Variants in ENPP3 observed in about 807,000 individuals in gnomAD.
The protein encoded by ENPP3 is ectonucleotide pyrophosphatase/phosphodiesterase 3.
Under a neutral mutation model 117.8 loss-of-function variants are expected in ENPP3, and 104 were observed. The ratio of observed to expected loss-of-function variants is 0.88; its 90% confidence interval spans 0.75 to 1.04. ENPP3 has a LOEUF of 1.04. Ranked by LOEUF, ENPP3 falls within the 50% of genes least tolerant of loss-of-function variation. The pLI is 0.00. For missense variants in ENPP3, 1,026 were observed against 1,051.9 expected, an observed-to-expected ratio of 0.98 and a Z score of 0.34; for synonymous variants, 380 against 349.9, an observed-to-expected ratio of 1.09 and a Z score of -0.96.
Position 131,649,970 on chromosome 6 carries a change from G to T in ENPP3, c.155-57G>T. The T allele has an allele frequency of 1.9e-6, 3 of 1,600,672 alleles. No individual in the cohort carries two copies. In the South Asian group the frequency reaches 3.3e-5, roughly 18 times the overall value. ...ACTTCCTGTGTGCTTCCACTGCTTA[G>T]GTATGAGATATTGAATAGCTCCTAA... On this transcript the variant is annotated intron_variant, in intron 2 of 24. Transcript: ENST00000357639.
At chr6:131,722,123 TTAAAGGGAGTGAAAG>T in intron 17 of ENPP3, 89 bp from the exon 18 acceptor site, 6 of 762,650 alleles carry the variant, frequency 7.9e-6, no homozygotes, top group Middle Eastern at 5.3e-4. Context: ...GCAGAATTTA[TTAAAGGGAGTGAAAG>T]AGTAGGTGTT....
At chr6:131,713,789 T>C (rs1163388412) in intron 15 of ENPP3, among the ~76,000 whole-genome samples, 2 of 152,174 alleles carry the variant, frequency 1.3e-5, no homozygotes, top group Non-Finnish European at 2.9e-5. Flanking sequence ...TAAAAAAATA[T>C]AGACTGTTGT....
At chr6:131,710,142 G>A (rs371055085) in intron 15 of ENPP3, 179 of 1,613,682 alleles carry the variant, frequency 1.1e-4, no homozygotes, top group Non-Finnish European at 1.4e-4. Context: ...TTAATTCCAG[G>A]TTATCATCAT....
At chr6:131,688,687 G>C (rs1779209231) in intron 14 of ENPP3, among the ~76,000 whole-genome samples, 1 of 152,082 alleles carries the variant, frequency 6.6e-6, no homozygotes, top group Non-Finnish European at 1.5e-5. Context: ...CTTTATGAAG[G>C]CTGAGATGGG....
intron 15 of ENPP3, among the ~76,000 whole-genome samples, chr6:131,695,686 C>A (rs779429301): frequency 6.6e-6 from 1 of 152,062 alleles, no homozygotes; most frequent in Non-Finnish European, 1.5e-5. Context: ...GAGGCTGAGG[C>A]GGGCAGATCA....
chr6:131,691,355 G>A (rs563635303), intron 14 of ENPP3, among the ~76,000 whole-genome samples: 6 of 152,186 alleles, frequency 3.9e-5, no homozygotes, highest in East Asian at 1.9e-4. Context: ...TTGGGAGGCC[G>A]AGGCGGGCGG....
intron 1 of ENPP3, among the ~76,000 whole-genome samples, chr6:131,638,281 T>C (rs1406001667): frequency 1.3e-5 from 2 of 152,204 alleles, no homozygotes; most frequent in East Asian, 1.9e-4. Flanking sequence ...TACCATGACA[T>C]TGACATTTTC....
At position 131,638,549 on chromosome 6, in the gene ENPP3, A is replaced by T. The variant is rs748314795; in HGVS notation, c.78+1087A>T. On this transcript the variant is annotated intron_variant, in intron 1 of 24. Transcript: ENST00000357639. ...CTCCTGAGTAGCTTGGACCACAGGC[A>T]CATGCCACAAGGCTCAGCTAAGTTT... 41 of 417,134 alleles carry T rather than the reference A, an allele frequency of 9.8e-5. 1 individual carries two copies. The highest frequency in any genetic ancestry group is 3.2e-5 in the Admixed American group (1 of 31,080). 25.8% of individuals were successfully genotyped at this position (417,134 alleles called of 1,614,324 possible).
At chr6:131,697,812 A>G (rs2114465519) in intron 15 of ENPP3, among the ~76,000 whole-genome samples, 1 of 152,188 alleles carries the variant, frequency 6.6e-6, no homozygotes, top group South Asian at 2.1e-4. Context: ...CTAACAGGCC[A>G]CAGACAGGTG....
In ENPP3 at chr6:131,693,596, T is replaced by G; in HGVS notation, c.1384T>G (p.Phe462Val). The change falls in exon 15 of 25, where the codon TTT becomes GTT. Residue 462 changes from phenylalanine to valine, a missense_variant. Phe to Val is a conservative substitution (Grantham distance 50, BLOSUM62 -1). Transcript: ENST00000357639. Reference protein sequence around the residue: ...KNVRIDKVHLFVDQQWLAVRS... With the variant: ...KNVRIDKVHLVVDQQWLAVRS... ...CGTCAGAATCGACAAAGTTCATCTC[T>G]TTGTGGATCAACAGTGGCTGGCTGT... 6.2e-7 allele frequency: 1 copy of G among 1,613,832 alleles called. No homozygotes were observed. The highest frequency in any genetic ancestry group is 8.5e-7 in the Non-Finnish European group (1 of 1,179,888).
chr6:131,656,549 C>T (rs538808072), intron 5 of ENPP3, among the ~76,000 whole-genome samples: 1 of 152,056 alleles, frequency 6.6e-6, no homozygotes, highest in South Asian at 2.1e-4. Flanking sequence ...AGGCAGATCA[C>T]GAAGTCAGGA....
chr6:131,725,982 T>C, intron 19 of ENPP3, 64 bp from the exon 20 acceptor site: 1 of 1,106,302 alleles, frequency 9.0e-7, no homozygotes, highest in Admixed American at 1.8e-5. Flanking sequence ...TGGGTAGTTA[T>C]TACATGCAAA....
At chr6:131,692,670 A>C (rs1585675869) in intron 14 of ENPP3, among the ~76,000 whole-genome samples, 1 of 147,112 alleles carries the variant, frequency 6.8e-6, no homozygotes, top group African/African-American at 2.5e-5. Flanking sequence ...TAATATATAT[A>C]TAATATATGG....
chr6:131,637,341 A>C lies in ENPP3; in HGVS notation c.-44A>C. 8.3e-7 allele frequency: 1 copy of C among 1,211,892 alleles called. No homozygotes were observed. The highest frequency in any genetic ancestry group is 1.2e-6 in the Non-Finnish European group (1 of 863,448). 75.1% of individuals were successfully genotyped at this position (1,211,892 alleles called of 1,614,324 possible). On this transcript the variant is annotated 5_prime_UTR_variant, in exon 1 of 25. Coordinates refer to ENST00000357639, the MANE Select transcript of ENPP3 (RefSeq NM_005021.5). ...TGCCAGACTAGACTAAAGAAGGAGCACTAATTTATTCTGATAAAACAGGTC... is the reference window on the plus strand; with the variant it reads ...TGCCAGACTAGACTAAAGAAGGAGCCCTAATTTATTCTGATAAAACAGGTC...
In ENPP3 at chr6:131,652,614, A is replaced by G; in HGVS notation, c.350A>G (p.Asp117Gly). 1 of 1,614,018 alleles carries G rather than the reference A, an allele frequency of 6.2e-7. No homozygotes were observed. The highest frequency in any genetic ancestry group is 8.5e-7 in the Non-Finnish European group (1 of 1,179,902). Residue 117 changes from aspartate to glycine, a missense_variant, in exon 4 of 25, where the codon GAT (aspartate) becomes GGT (glycine). Transcript: ENST00000357639. ...GAGGCCAGCCTTTGCTCTTGTTCAG[A>G]TGACTGTTTGCAGAGGAAAGATTGC... ...RLEASLCSCSDDCLQRKDCCA... is the reference protein window; with the variant it reads ...RLEASLCSCSGDCLQRKDCCA...
chr6:131,674,998 A>T, intron 8 of ENPP3, 82 bp from the exon 9 acceptor site: 1 of 780,920 alleles, frequency 1.3e-6, no homozygotes, highest in Non-Finnish European at 2.3e-6. Context: ...TGCAACTATT[A>T]ATCTTGTTTA....
chr6:131,669,615 C>T (rs1194144449), intron 6 of ENPP3, among the ~76,000 whole-genome samples: 2 of 144,172 alleles, frequency 1.4e-5, no homozygotes, highest in African/African-American at 5.2e-5. Context: ...GAGATCACGC[C>T]ACTGCACTCT....
intron 1 of ENPP3, 68 bp from the exon 2 acceptor site, chr6:131,641,387 G>A: frequency 1.1e-6 from 1 of 950,428 alleles, no homozygotes; most frequent in South Asian, 1.4e-5. Context: ...TACTGAGAAA[G>A]GGTGGTTATT....
rs544170196 is a variant in ENPP3, at chr6:131,655,516, G to C, written c.464+2625G>C. ...CCCTCAAGTCATAGGCTGAGCCCGT[G>C]ATGCTGTGCAATTCATCAGAAGAAC... On this transcript the variant is annotated intron_variant, in intron 5 of 24. Coordinates refer to ENST00000357639, the MANE Select transcript of ENPP3 (RefSeq NM_005021.5). 2.6e-5 allele frequency among the ~76,000 whole-genome samples: 4 copies of C among 152,294 alleles called. No individual in the cohort carries two copies. In the East Asian group the frequency reaches 7.7e-4, roughly 29 times the overall value.
Sources: allele counts gnomAD v4.1 joint callset (sites outside exome capture counted in the v4.1 genomes callset), GRCh38; gene constraint gnomAD v4.1.1; transcripts MANE v1.5; gene names NCBI Gene and HGNC (gene_info 2026-07-23, HGNC 2026-07-21).